The following USP34 variants were observed in gnomAD, a reference collection of about 807,000 sequenced individuals.
USP34 encodes ubiquitin carboxyl-terminal hydrolase 34.
Under a neutral mutation model 460.3 loss-of-function variants are expected in USP34, and 70 were observed. That is an observed-to-expected ratio of 0.15 (90% confidence interval 0.13 to 0.19). USP34 has a LOEUF of 0.19. Among genes scored for constraint, USP34 ranks in the 10% least tolerant of loss-of-function variants. USP34 has a pLI of 1.00. For synonymous variants in USP34, 1,647 were observed against 1,405.3 expected (o/e 1.17, Z -3.85); for missense variants, 3,985 against 4,236.2 (o/e 0.94, Z 1.65).
At chr2:61,433,023 A>AG (rs1223052582) in intron 1 of USP34, among the ~76,000 whole-genome samples, 1 of 152,254 alleles carries the variant, frequency 6.6e-6, no homozygotes, top group Non-Finnish European at 1.5e-5. Flanking sequence ...TATTAAAAAA[A>AG]GAATCAGGGA....
At chr2:61,301,480 G>C (rs1464731687) in intron 27 of USP34, 26 bp from the exon 28 acceptor site, 1 of 1,591,898 alleles carries the variant, frequency 6.3e-7, no homozygotes, top group Admixed American at 1.7e-5. Flanking sequence ...ACATGGAAAT[G>C]AATTTGTTTT....
intron 74 of USP34, among the ~76,000 whole-genome samples, chr2:61,203,986 T>C (rs1362432159): frequency 2.6e-5 from 4 of 151,984 alleles, no homozygotes; most frequent in Non-Finnish European, 5.9e-5. Context: ...ATGACCCAGT[T>C]ATAATTTAGC....
chr2:61,423,920 G>T (rs996905125), intron 1 of USP34, among the ~76,000 whole-genome samples: 1 of 152,198 alleles, frequency 6.6e-6, no homozygotes, highest in Admixed American at 6.5e-5. Flanking sequence ...TCATGCCACT[G>T]ACTCCAGCAT....
At chr2:61,346,822 A>T (rs561839321) in intron 15 of USP34, among the ~76,000 whole-genome samples, 9 of 113,674 alleles carry the variant, frequency 7.9e-5, no homozygotes, top group African/African-American at 2.5e-4. Context: ...ACAGAGTGAG[A>T]TTCCAACTCA....
At chr2:61,366,131 G>T (rs1337847198) in intron 10 of USP34, among the ~76,000 whole-genome samples, 2 of 152,162 alleles carry the variant, frequency 1.3e-5, no homozygotes, top group African/African-American at 4.8e-5. Flanking sequence ...TCATCATGTT[G>T]GTCAGGCTGG....
intron 5 of USP34, among the ~76,000 whole-genome samples, chr2:61,389,600 C>T (rs1005788943): frequency 3.3e-5 from 5 of 152,140 alleles, no homozygotes; most frequent in African/African-American, 1.2e-4. Context: ...AACAAAATTA[C>T]ATACTATGCA....
At chr2:61,331,842 C>T (rs1572941695) in intron 19 of USP34, among the ~76,000 whole-genome samples, 1 of 151,786 alleles carries the variant, frequency 6.6e-6, no homozygotes, top group East Asian at 1.9e-4. Context: ...TGTAGAAATA[C>T]TACAATGAAA....
At chr2:61,425,875 C>T (rs897780645) in intron 1 of USP34, among the ~76,000 whole-genome samples, 1 of 151,960 alleles carries the variant, frequency 6.6e-6, no homozygotes, top group Non-Finnish European at 1.5e-5. Flanking sequence ...AAGATGCCTT[C>T]CTTCTGTTTG....
chr2:61,248,206 A>AC (rs1322128022), intron 49 of USP34, among the ~76,000 whole-genome samples: 6 of 140,172 alleles, frequency 4.3e-5, no homozygotes, highest in Middle Eastern at 3.8e-3. Context: ...AAAAAAAAAA[A>AC]CCCCCACAAA....
At chr2:61,252,679 T>C (rs780393671) in intron 48 of USP34, among the ~76,000 whole-genome samples, 1 of 152,230 alleles carries the variant, frequency 6.6e-6, no homozygotes, top group Non-Finnish European at 1.5e-5. Flanking sequence ...TTCACTATTT[T>C]AGATTATTTG....
chr2:61,447,678 G>A (rs1695158297), intron 1 of USP34, among the ~76,000 whole-genome samples: 1 of 152,048 alleles, frequency 6.6e-6, no homozygotes, highest in African/African-American at 2.4e-5. Flanking sequence ...ATGAATACAA[G>A]ATCTGTGAAA....
At chr2:61,338,163 G>A (rs551818706) in intron 18 of USP34, among the ~76,000 whole-genome samples, 3 of 152,168 alleles carry the variant, frequency 2.0e-5, no homozygotes, top group African/African-American at 7.2e-5. Context: ...CTCTATGAAA[G>A]TACAAAAATT....
chr2:61,293,593 T>C lies in USP34; in HGVS notation c.4462-43A>G, dbSNP rs371956177. The C allele has an allele frequency of 6.2e-6, 9 of 1,451,578 alleles. No homozygotes were observed. The African/African-American group carries it at 7.0e-5, about 11-fold the overall frequency. 89.9% of individuals were successfully genotyped at this position (1,451,578 alleles called of 1,614,324 possible). ...AGTAATAGTAAGAGAAAAGCAGATATATAATGCAATAATGCTTGTTGATTC... is the reference window on the plus strand; with the variant it reads ...AGTAATAGTAAGAGAAAAGCAGATACATAATGCAATAATGCTTGTTGATTC... On this transcript the variant is annotated intron_variant, in intron 32 of 79. Transcript: ENST00000398571.
chr2:61,346,541 A>C (rs1371473162), intron 15 of USP34, among the ~76,000 whole-genome samples: 1 of 147,356 alleles, frequency 6.8e-6, no homozygotes, highest in Non-Finnish European at 1.5e-5. Context: ...AAAAAAAAAA[A>C]AAAAAAAAAA....
chr2:61,454,859 GTTTTTTTTTTCT>G (rs1288871324), intron 1 of USP34, among the ~76,000 whole-genome samples: 1 of 84,660 alleles, frequency 1.2e-5, no homozygotes, highest in African/African-American at 4.7e-5. Context: ...ATATAGTGGG[GTTTTTTTTTTCT>G]TTTTTTTTTT....
At chr2:61,257,155 G>A in intron 45 of USP34, 47 bp from the exon 46 acceptor site, 4 of 1,575,700 alleles carry the variant, frequency 2.5e-6, no homozygotes, top group South Asian at 2.4e-5. Context: ...TAAAACGCAG[G>A]CAAATTTGTT....
At chr2:61,281,841 G>A (rs533392176) in intron 37 of USP34, among the ~76,000 whole-genome samples, 15 of 152,054 alleles carry the variant, frequency 9.9e-5, no homozygotes, top group Admixed American at 2.0e-4. Context: ...GTCAGTAAGA[G>A]GATAAAATAT....
chr2:61,335,969 C>G (rs113913256), intron 18 of USP34, among the ~76,000 whole-genome samples: 1 of 152,074 alleles, frequency 6.6e-6, no homozygotes, highest in Admixed American at 6.5e-5. Context: ...GTCTTCACAG[C>G]TGAAGTTACA....
At chr2:61,351,110 C>A (rs1365445319) in intron 10 of USP34, among the ~76,000 whole-genome samples, 1 of 152,030 alleles carries the variant, frequency 6.6e-6, no homozygotes, top group African/African-American at 2.4e-5. Context: ...ACCTGTGGTC[C>A]CAGCTACATA....
Sources: gnomAD v4.1 joint callset for allele counts (sites outside exome capture counted in the v4.1 genomes callset) on GRCh38, gnomAD v4.1.1 for gene constraint, MANE v1.5 for transcripts, NCBI Gene and HGNC (gene_info 2026-07-23, HGNC 2026-07-21) for gene names.